DDX21: variants seen among roughly 807,000 people sequenced by gnomAD.
DDX21 encodes nucleolar RNA helicase 2.
Under a neutral mutation model 90.0 loss-of-function variants are expected in DDX21, and 18 were observed. The ratio of observed to expected loss-of-function variants is 0.20; its 90% confidence interval spans 0.14 to 0.30. The LOEUF (loss-of-function observed/expected upper bound fraction) is 0.30, where lower values mean the gene tolerates loss of function less well. Among genes scored for constraint, DDX21 ranks in the 10% least tolerant of loss-of-function variants. The pLI is 1.00. For missense variants in DDX21, 673 were observed against 944.5 expected, an observed-to-expected ratio of 0.71 and a Z score of 3.77; for synonymous variants, 294 against 318.0, an observed-to-expected ratio of 0.92 and a Z score of 0.80.
intron 1 of DDX21, among the ~76,000 whole-genome samples, chr10:68,958,425 CCTGG>C (rs1418143171): frequency 1.4e-5 from 2 of 145,292 alleles, no homozygotes; most frequent in Non-Finnish European, 3.0e-5. Context: ...TGCTGCTACA[CCTGG>C]CTAATTAAAA....
At chr10:68,967,637 G>C (rs184888860) in intron 6 of DDX21, among the ~76,000 whole-genome samples, 4 of 152,078 alleles carry the variant, frequency 2.6e-5, no homozygotes, top group African/African-American at 9.6e-5. Context: ...GGGAAAACTT[G>C]GAAAAGTAAA....
intron 1 of DDX21, among the ~76,000 whole-genome samples, chr10:68,956,956 T>C (rs1459167183): frequency 6.6e-6 from 1 of 151,122 alleles, no homozygotes; most frequent in African/African-American, 2.4e-5. Flanking sequence ...GCAGGAGAAT[T>C]GCTTGAACCC....
intron 13 of DDX21, 77 bp downstream of exon 13, chr10:68,979,053 GTTCTGTGGGGATGCTGCA>G (rs1445944144): frequency 3.2e-6 from 5 of 1,568,808 alleles, no homozygotes; most frequent in Non-Finnish European, 4.3e-6. Context: ...GGTTCTTCCT[GTTCTGTGGGGATGCTGCA>G]TCTCTTCACT....
In DDX21 at chr10:68,956,708, C is replaced by T. The variant is rs987259990; in HGVS notation, c.87+396C>T. Reference sequence around the variant, plus strand: ...ACGTTGTTGGCTAAGACAGAACTCCCGGCATGAGCGTGCGCGAAGGAAGTT... The same window carrying T: ...ACGTTGTTGGCTAAGACAGAACTCCTGGCATGAGCGTGCGCGAAGGAAGTT... On this transcript the variant is annotated intron_variant, in intron 1 of 14. Transcript: ENST00000354185. 81 of 1,031,188 alleles carry T rather than the reference C, an allele frequency of 7.9e-5. No homozygotes were observed. The Admixed American group carries it at 1.4e-3, about 18-fold the overall frequency. 63.9% of individuals were successfully genotyped at this position (1,031,188 alleles called of 1,614,324 possible).
intron 1 of DDX21, among the ~76,000 whole-genome samples, chr10:68,957,555 T>G (rs531646152): frequency 6.6e-6 from 1 of 152,340 alleles, no homozygotes; most frequent in East Asian, 1.9e-4. Flanking sequence ...GCGGCAGATT[T>G]GTACTCAGGT....
intron 14 of DDX21, 131 bp from the exon 15 acceptor site, chr10:68,982,412 G>T (rs954399524): frequency 1.2e-5 from 15 of 1,290,266 alleles, no homozygotes; most frequent in Non-Finnish European, 1.5e-5. Flanking sequence ...TGTTATTTTT[G>T]ACCAGTGACT....
intron 4 of DDX21, 35 bp downstream of exon 4, chr10:68,963,504 A>G (rs1842899947): frequency 6.4e-7 from 1 of 1,565,924 alleles, no homozygotes; most frequent in Non-Finnish European, 8.6e-7. Context: ...CTCAGTCAGC[A>G]TAGGAAAAAC....
At chr10:68,972,125 A>G (rs911781641) in intron 9 of DDX21, 73 bp downstream of exon 9, 1 of 1,506,374 alleles carries the variant, frequency 6.6e-7, no homozygotes, top group East Asian at 2.3e-5. Context: ...AAATTGTATT[A>G]TTTACTTTCA....
At chr10:68,982,105 C>T (rs538403043) in intron 14 of DDX21, among the ~76,000 whole-genome samples, 33 of 152,226 alleles carry the variant, frequency 2.2e-4, no homozygotes, top group African/African-American at 7.7e-4. Flanking sequence ...AACTCCTGAC[C>T]GCGGGTGATC....
chr10:68,977,952 TAAAAA>T (rs112705054), intron 12 of DDX21, among the ~76,000 whole-genome samples: 1 of 138,064 alleles, frequency 7.2e-6, no homozygotes, highest in African/African-American at 2.7e-5. Context: ...TACAAAAAAA[TAAAAA>T]AAAAAAAAAT....
chr10:68,973,806 G>T, intron 10 of DDX21, 142 bp downstream of exon 10: 1 of 1,124,704 alleles, frequency 8.9e-7, no homozygotes, highest in Middle Eastern at 3.2e-4. Flanking sequence ...TACATATGTT[G>T]TCCTGTGATA....
chr10:68,971,430 A>G (rs564459358), intron 8 of DDX21, among the ~76,000 whole-genome samples: 1 of 152,166 alleles, frequency 6.6e-6, no homozygotes, highest in East Asian at 1.9e-4. Context: ...TATTTTTAGT[A>G]GAGACCGAGT....
At chr10:68,958,835 A>G (rs778712854) in intron 1 of DDX21, among the ~76,000 whole-genome samples, 15 of 152,160 alleles carry the variant, frequency 9.9e-5, no homozygotes, top group Non-Finnish European at 5.9e-5. Context: ...TTGGCCTCCC[A>G]GAGTGCTGAG....
intron 1 of DDX21, among the ~76,000 whole-genome samples, chr10:68,957,083 T>C (rs978585165): frequency 2.6e-5 from 4 of 151,748 alleles, no homozygotes; most frequent in Non-Finnish European, 4.4e-5. Flanking sequence ...TAGAGTAGAC[T>C]GGAGAGGTCT....
intron 10 of DDX21, 65 bp downstream of exon 10, chr10:68,973,729 A>C: frequency 6.4e-7 from 1 of 1,551,434 alleles, no homozygotes; most frequent in Non-Finnish European, 8.7e-7. Context: ...TGGTTTCTTC[A>C]ATTTTTATCC....
At chr10:68,977,874 C>A (rs1589289047) in intron 12 of DDX21, among the ~76,000 whole-genome samples, 186 bp downstream of exon 12, 1 of 151,828 alleles carries the variant, frequency 6.6e-6, no homozygotes, top group African/African-American at 2.4e-5. Context: ...TTGGGAGGCA[C>A]AGGCAGGAGG....
At chr10:68,980,253 T>TA (rs1564630644) in intron 13 of DDX21, among the ~76,000 whole-genome samples, 4 of 151,992 alleles carry the variant, frequency 2.6e-5, no homozygotes, top group Non-Finnish European at 4.4e-5. Flanking sequence ...AAAAAAAATT[T>TA]TATATATATA....
intron 11 of DDX21, among the ~76,000 whole-genome samples, chr10:68,976,471 T>C (rs1187139395): frequency 6.6e-6 from 1 of 151,832 alleles, no homozygotes; most frequent in Non-Finnish European, 1.5e-5. Flanking sequence ...GTATTTTTAG[T>C]AGAGACGGGG....
At chr10:68,971,007 G>T (rs1021540260) in intron 8 of DDX21, among the ~76,000 whole-genome samples, 36 of 91,316 alleles carry the variant, frequency 3.9e-4, no homozygotes, top group African/African-American at 1.5e-3. Context: ...CACTCCCTTT[G>T]CCCAGGCTGA....
Sources: allele counts gnomAD v4.1 joint callset (sites outside exome capture counted in the v4.1 genomes callset), GRCh38; gene constraint gnomAD v4.1.1; transcripts MANE v1.5; gene names NCBI Gene and HGNC (gene_info 2026-07-23, HGNC 2026-07-21).